Variants in PPP2R3A observed in about 807,000 individuals in gnomAD.
The protein encoded by PPP2R3A is protein phosphatase 2 regulatory subunit B''alpha, also known as serine/threonine-protein phosphatase 2A regulatory subunit B'' subunit alpha.
PPP2R3A carries 80 observed loss-of-function variants against 106.9 expected under a neutral mutation model. That is an observed-to-expected ratio of 0.75 (90% CI 0.62 to 0.90). The LOEUF (loss-of-function observed/expected upper bound fraction) is 0.90. Among genes scored for constraint, PPP2R3A ranks in the 40% least tolerant of loss-of-function variants. PPP2R3A has a pLI of 0.00. For missense variants in PPP2R3A, 1,386 were observed against 1,350.4 expected (o/e 1.03, Z -0.41); for synonymous variants, 483 against 468.3 (o/e 1.03, Z -0.41).
At chr3:136,062,268 G>C (rs1428683949) in intron 5 of PPP2R3A, among the ~76,000 whole-genome samples, 1 of 152,144 alleles carries the variant, frequency 6.6e-6, no homozygotes, top group Non-Finnish European at 1.5e-5. Flanking sequence ...TGAGACCTAA[G>C]ACACAGTGGA....
In PPP2R3A at chr3:135,992,876, TA is replaced by T. The variant is rs1933233325; in HGVS notation, c.-440-8182del. Among the ~76,000 whole-genome samples the T allele has an allele frequency of 3.3e-5, 5 of 152,170 alleles. No homozygotes were observed. In the South Asian group the frequency reaches 1.0e-3, roughly 32 times the overall value. On this transcript the variant is annotated intron_variant, in intron 1 of 13. Transcript: ENST00000264977. ...CAAAACTCTGAGGAAGACTGGCACA[TA>T]GGGGACAAGAGGAGAGATGCAAGGA...
At chr3:136,028,003 T>C (rs1483460176) in intron 3 of PPP2R3A, among the ~76,000 whole-genome samples, 3 of 152,238 alleles carry the variant, frequency 2.0e-5, no homozygotes, top group Non-Finnish European at 4.4e-5. Context: ...CTCAAACTTC[T>C]CTTCCTGGCA....
chr3:136,103,207 T>G, intron 11 of PPP2R3A, 51 bp from the exon 12 acceptor site: 1 of 1,299,546 alleles, frequency 7.7e-7, no homozygotes, highest in Non-Finnish European at 1.1e-6. Context: ...TTTTTCCTCT[T>G]GCCAAAACAG....
chr3:136,071,219 G>A (rs1342070530), intron 6 of PPP2R3A, among the ~76,000 whole-genome samples: 2 of 152,346 alleles, frequency 1.3e-5, no homozygotes, highest in African/African-American at 4.8e-5. Flanking sequence ...AAGTGAGATG[G>A]CCCTGGCATG....
chr3:135,994,812 T>C (rs1024676262), intron 1 of PPP2R3A, among the ~76,000 whole-genome samples: 7 of 152,198 alleles, frequency 4.6e-5, no homozygotes, highest in Admixed American at 3.9e-4. Context: ...CTTCATAGAA[T>C]TCCTTTTTGC....
At chr3:136,111,064 C>A (rs1937584499) in intron 13 of PPP2R3A, among the ~76,000 whole-genome samples, 1 of 152,018 alleles carries the variant, frequency 6.6e-6, no homozygotes, top group African/African-American at 2.4e-5. Context: ...AAAAAGTATA[C>A]CACAGAATAT....
chr3:136,124,847 AATT>A (rs1218482945), intron 13 of PPP2R3A, among the ~76,000 whole-genome samples: 1 of 152,196 alleles, frequency 6.6e-6, no homozygotes, highest in Non-Finnish European at 1.5e-5. Flanking sequence ...AAGTTAAAAG[AATT>A]ATACGGGAAT....
chr3:136,101,768 T>C (rs1937366457), intron 10 of PPP2R3A, among the ~76,000 whole-genome samples: 1 of 152,058 alleles, frequency 6.6e-6, no homozygotes, highest in South Asian at 2.1e-4. Flanking sequence ...AGGAGCGATA[T>C]AGACGTGTTA....
intron 2 of PPP2R3A, among the ~76,000 whole-genome samples, chr3:136,009,927 C>G (rs561917972): frequency 6.6e-6 from 1 of 152,300 alleles, no homozygotes; most frequent in East Asian, 1.9e-4. Flanking sequence ...GAAGATCACA[C>G]AACCATGCTG....
rs922144351 is a variant in PPP2R3A at position 136,146,792 on chromosome 3, T to C, written c.*1626T>C. Reference sequence around the variant, plus strand: ...ATTAAGATTAAGATTATTTATGTGATAAATGAAATCTCCTACCAATCCATC... The same window carrying C: ...ATTAAGATTAAGATTATTTATGTGACAAATGAAATCTCCTACCAATCCATC... On this transcript the variant is annotated 3_prime_UTR_variant, in exon 14 of 14. Transcript: ENST00000264977. 1 of 151,460 alleles carries C rather than the reference T, an allele frequency of 6.6e-6. No homozygotes were observed. The highest frequency in any genetic ancestry group is 2.4e-5 in the African/African-American group (1 of 41,174). The allele number at this position is 151,460 out of a possible 1,614,324, so 9.4% of individuals were successfully genotyped here. A position where few individuals can be genotyped will look rare whatever the true frequency, so the allele number is the denominator to read the frequency against.
chr3:136,011,855 A>G (rs1186662546), intron 2 of PPP2R3A, among the ~76,000 whole-genome samples: 1 of 152,142 alleles, frequency 6.6e-6, no homozygotes, highest in African/African-American at 2.4e-5. Context: ...CATCCAAGAG[A>G]CGTATTTGTC....
chr3:136,074,749 T>A (rs1036822426), intron 6 of PPP2R3A, among the ~76,000 whole-genome samples: 1 of 152,234 alleles, frequency 6.6e-6, no homozygotes, highest in Admixed American at 6.5e-5. Flanking sequence ...ATGCCAGGAT[T>A]TTCCTTGTGG....
chr3:136,134,776 A>T (rs199569226), intron 13 of PPP2R3A, among the ~76,000 whole-genome samples: 1 of 63,166 alleles, frequency 1.6e-5, no homozygotes, highest in Non-Finnish European at 4.7e-5. Flanking sequence ...ATCTGTTTAT[A>T]TAGGTAATAC....
intron 10 of PPP2R3A, among the ~76,000 whole-genome samples, chr3:136,094,219 T>C (rs1346034697): frequency 6.6e-6 from 1 of 152,182 alleles, no homozygotes; most frequent in African/African-American, 2.4e-5. Flanking sequence ...GGAGAGCCTG[T>C]GGTGAAATGA....
chr3:136,034,398 C>G, intron 3 of PPP2R3A, among the ~76,000 whole-genome samples: 1 of 152,136 alleles, frequency 6.6e-6, no homozygotes, highest in East Asian at 1.9e-4. Flanking sequence ...TTTGCTGTGT[C>G]CCAGAGGGTT....
intron 5 of PPP2R3A, among the ~76,000 whole-genome samples, chr3:136,068,875 C>G (rs866754779): frequency 6.6e-6 from 1 of 152,136 alleles, no homozygotes; most frequent in South Asian, 2.1e-4. Context: ...ATTACGTATG[C>G]CCAGTGATGC....
At chr3:136,100,739 G>A (rs942162201) in intron 10 of PPP2R3A, among the ~76,000 whole-genome samples, 1 of 151,980 alleles carries the variant, frequency 6.6e-6, no homozygotes, top group African/African-American at 2.4e-5. Flanking sequence ...AGCTACTTGG[G>A]AAGATTGCTT....
intron 10 of PPP2R3A, among the ~76,000 whole-genome samples, chr3:136,091,586 C>G (rs146935499): frequency 1.3e-5 from 2 of 152,226 alleles, no homozygotes; most frequent in African/African-American, 4.8e-5. Context: ...CATTATACTC[C>G]ATCCTGGGTA....
chr3:136,140,395 A>T (rs1486106477), intron 13 of PPP2R3A, among the ~76,000 whole-genome samples: 1 of 150,756 alleles, frequency 6.6e-6, no homozygotes, highest in Non-Finnish European at 1.5e-5. Context: ...GTTTGAGGCT[A>T]AGATCATGCC....
Sources: allele counts gnomAD v4.1 joint callset (sites outside exome capture counted in the v4.1 genomes callset), GRCh38; gene constraint gnomAD v4.1.1; transcripts MANE v1.5; gene names NCBI Gene and HGNC (gene_info 2026-07-23, HGNC 2026-07-21).